C6orf118: variants seen among roughly 807,000 people sequenced by gnomAD.
C6orf118 encodes uncharacterized protein C6orf118.
In C6orf118, 50 loss-of-function variants were observed where a neutral mutation model predicts 50.2. The observed-to-expected ratio is 1.00, with a 90% CI of 0.79 to 1.26. The LOEUF (loss-of-function observed/expected upper bound fraction) is 1.26, where lower values mean the gene tolerates loss of function less well. Among genes scored for constraint, C6orf118 ranks in the 50% most tolerant of loss-of-function variants. The pLI, the probability that C6orf118 is intolerant of heterozygous loss-of-function variation, is 0.00. For missense variants in C6orf118, 641 were observed against 578.7 expected, an observed-to-expected ratio of 1.11 and a Z score of -1.10; for synonymous variants, 239 against 230.9, an observed-to-expected ratio of 1.03 and a Z score of -0.32.
chr6:165,289,770 T>C, intron 7 of C6orf118, 116 bp downstream of exon 7: 2 of 561,402 alleles, frequency 3.6e-6, no homozygotes, highest in East Asian at 6.4e-5. Flanking sequence ...AAAAAGTACA[T>C]TTGGGCCAAA....
At chr6:165,290,106 AT>A in intron 6 of C6orf118, 39 bp from the exon 7 acceptor site, 1 of 1,264,400 alleles carries the variant, frequency 7.9e-7, no homozygotes, top group South Asian at 1.3e-5. Flanking sequence ...ACCATGTTTA[AT>A]ATCTCAGTTA....
At chr6:165,295,784 T>A (rs1031712917) in intron 5 of C6orf118, among the ~76,000 whole-genome samples, 1 of 152,146 alleles carries the variant, frequency 6.6e-6, no homozygotes, top group African/African-American at 2.4e-5. Flanking sequence ...AAACTTTCCT[T>A]TCTTGCTCCC....
rs1562335489 is a variant in C6orf118 at position 165,301,744 on chromosome 6, CTG to C, written c.576_577del (p.Gly194HisfsTer41). ...ATAGTGGTGCCGGTCCCTGGTGCCT[CTG>C]GACCCGGCCTCCTGGTAGCACAGCA... On this transcript the variant is annotated frameshift_variant, in exon 2 of 9. Transcript: ENST00000230301. LOFTEE classifies it high-confidence loss of function. The C allele has an allele frequency of 6.2e-7, 1 of 1,614,130 alleles. No homozygotes were observed. Among genetic ancestry groups the C allele is most frequent in the Non-Finnish European group, 8.5e-7 (1 of 1,180,024 alleles).
intron 1 of C6orf118, among the ~76,000 whole-genome samples, chr6:165,306,534 G>T (rs1394135814): frequency 2.1e-5 from 1 of 46,870 alleles, no homozygotes; most frequent in East Asian, 5.5e-4. Flanking sequence ...CTAGGTGAAT[G>T]CAAAAAAAAA....
At chr6:165,280,368 G>T (rs541506649) in intron 8 of C6orf118, among the ~76,000 whole-genome samples, 2 of 152,310 alleles carry the variant, frequency 1.3e-5, no homozygotes, top group East Asian at 1.9e-4. Flanking sequence ...TGAACATAAT[G>T]ATATACTTGA....
intron 5 of C6orf118, among the ~76,000 whole-genome samples, chr6:165,297,422 A>C (rs1054928777): frequency 6.6e-6 from 1 of 151,562 alleles, no homozygotes; most frequent in Non-Finnish European, 1.5e-5. Context: ...AAAAAAAAGA[A>C]GAACAAATTG....
rs1336184746 is a variant in C6orf118, at chr6:165,300,402, T to A, written c.838A>T (p.Ser280Cys). 6.2e-7 allele frequency: 1 copy of A among 1,613,952 alleles called. No individual in the cohort carries two copies. The highest frequency in any genetic ancestry group is 1.7e-5 in the Admixed American group (1 of 60,026). ...FGKVFEDICN[S>C]SLIFGDLLKK... ...AAGAGATCACCAAATATCAAAGAAC[T>A]GTTACAAATATCTTCAAAGACTTTT... The change falls in exon 3 of 9, where the codon AGT (serine) becomes TGT (cysteine). Residue 280 changes from serine (S) to cysteine (C), a missense_variant. Physicochemically the swap from Ser to Cys is moderately radical, Grantham distance 112 (BLOSUM62 -1). Transcript: ENST00000230301.
intron 7 of C6orf118, among the ~76,000 whole-genome samples, chr6:165,286,040 A>G (rs1779893061): frequency 1.3e-5 from 2 of 152,124 alleles, no homozygotes; most frequent in Admixed American, 1.3e-4. Context: ...AGCTAGATTA[A>G]TAAAGAAGAA....
intron 2 of C6orf118, among the ~76,000 whole-genome samples, chr6:165,300,914 C>A (rs56297949): frequency 0.024 from 3,618 of 152,180 alleles, 130 homozygotes; most frequent in African/African-American, 0.083. Context: ...CGTAGATCTT[C>A]TGTACACATG....
chr6:165,293,236 C>A (rs1014493350), intron 6 of C6orf118, 177 bp downstream of exon 6: 1 of 641,356 alleles, frequency 1.6e-6, no homozygotes, highest in Non-Finnish European at 2.9e-6. Flanking sequence ...GTCACCACCA[C>A]GTGCCAGGCC....
intron 1 of C6orf118, among the ~76,000 whole-genome samples, chr6:165,307,493 G>A (rs529340354): frequency 6.6e-6 from 1 of 151,848 alleles, no homozygotes; most frequent in South Asian, 2.1e-4. Flanking sequence ...GGGAGGTGGA[G>A]GTTGCAGTGA....
At chr6:165,281,402 T>C (rs1331431187) in intron 8 of C6orf118, 1 of 780,008 alleles carries the variant, frequency 1.3e-6, no homozygotes, top group Non-Finnish European at 1.8e-6. Flanking sequence ...GTCTATCTAG[T>C]CTAATCTAGT....
At chr6:165,283,423 G>C (rs1383708487) in intron 7 of C6orf118, among the ~76,000 whole-genome samples, 1 of 152,220 alleles carries the variant, frequency 6.6e-6, no homozygotes, top group Admixed American at 6.5e-5. Flanking sequence ...GCTCTGAAGA[G>C]TCTAGTCAGT....
chr6:165,296,468 T>C (rs1780314812), intron 5 of C6orf118, among the ~76,000 whole-genome samples: 1 of 151,994 alleles, frequency 6.6e-6, no homozygotes, highest in Admixed American at 6.6e-5. Context: ...CAACCTACTT[T>C]CCTCAACCCA....
In C6orf118 at chr6:165,300,433, G is replaced by T. The variant is rs1280545083; in HGVS notation, c.807C>A (p.Val269=). The T allele has an allele frequency of 6.2e-7, 1 of 1,613,778 alleles. No homozygotes were observed. The highest frequency in any genetic ancestry group is 8.5e-7 in the Non-Finnish European group (1 of 1,179,864). The change falls in exon 3 of 9, where the codon GTC becomes GTA. Residue 269 remains valine, a synonymous_variant. Transcript: ENST00000230301. ...AAATATCTTCAAAGACTTTTCCAAAGACGTGCAGTCTGTTGAACTGCTGGG... is the reference window on the plus strand; with the variant it reads ...AAATATCTTCAAAGACTTTTCCAAATACGTGCAGTCTGTTGAACTGCTGGG... The part of the protein sequence containing the change: ...CSPQQFNRLH[V]FGKVFEDICN...
At chr6:165,280,838 G>C (rs1390423483) in intron 8 of C6orf118, among the ~76,000 whole-genome samples, 1 of 152,168 alleles carries the variant, frequency 6.6e-6, no homozygotes, top group Non-Finnish European at 1.5e-5. Flanking sequence ...GGGAAGAAAG[G>C]TGAGGAGCCC....
intron 1 of C6orf118, among the ~76,000 whole-genome samples, chr6:165,309,304 C>T (rs778598969): frequency 1.3e-5 from 2 of 152,228 alleles, no homozygotes; most frequent in South Asian, 2.1e-4. Flanking sequence ...CGCGTCCGTC[C>T]GCGCAGGTCC....
At chr6:165,283,551 T>C (rs1448573617) in intron 7 of C6orf118, among the ~76,000 whole-genome samples, 1 of 152,092 alleles carries the variant, frequency 6.6e-6, no homozygotes, top group East Asian at 1.9e-4. Context: ...CCAGACACCT[T>C]ATACAAAAGC....
chr6:165,296,129 A>G (rs1394292003), intron 5 of C6orf118, among the ~76,000 whole-genome samples: 1 of 152,192 alleles, frequency 6.6e-6, no homozygotes, highest in Non-Finnish European at 1.5e-5. Context: ...TGCAGCAGGA[A>G]CATGGCAACT....
Sources: allele counts gnomAD v4.1 joint callset (sites outside exome capture counted in the v4.1 genomes callset), GRCh38; gene constraint gnomAD v4.1.1; transcripts MANE v1.5; gene names NCBI Gene and HGNC (gene_info 2026-07-23, HGNC 2026-07-21).